IGSF21: variants seen among roughly 807,000 people sequenced by gnomAD.
IGSF21 encodes immunoglobulin superfamily member 21.
A neutral mutation model predicts 46.8 loss-of-function variants in IGSF21; 28 were observed. The observed-to-expected ratio is 0.60, with a 90% CI of 0.44 to 0.82. The LOEUF (loss-of-function observed/expected upper bound fraction) is 0.82. Among genes scored for constraint, IGSF21 ranks in the 40% least tolerant of loss-of-function variants. IGSF21 has a pLI of 0.00. For missense variants in IGSF21, 624 were observed against 665.5 expected (o/e 0.94, Z 0.69); for synonymous variants, 284 against 273.6 (o/e 1.04, Z -0.38).
At chr1:18,286,989 G>A (rs1325867961) in intron 2 of IGSF21, among the ~76,000 whole-genome samples, 3 of 151,696 alleles carry the variant, frequency 2.0e-5, no homozygotes, top group Non-Finnish European at 2.9e-5. Flanking sequence ...AGACCATCCC[G>A]GCTAAAACGG....
chr1:18,307,082 G>C (rs1401448157), intron 3 of IGSF21, among the ~76,000 whole-genome samples: 1 of 152,198 alleles, frequency 6.6e-6, no homozygotes, highest in African/African-American at 2.4e-5. Context: ...GAGAGGTTTG[G>C]GGAGGCTCAG....
chr1:18,345,822 T>C (rs12073082), intron 4 of IGSF21, among the ~76,000 whole-genome samples: 2,175 of 152,320 alleles, frequency 0.014, 49 homozygotes, highest in African/African-American at 0.048. Context: ...TGAGGGGTTA[T>C]AAAATGTGCC....
In IGSF21 at chr1:18,338,658, G is replaced by T. The variant is rs180884270; in HGVS notation, c.424+3648G>T. Among the ~76,000 whole-genome samples the T allele has an allele frequency of 5.3e-5, 8 of 152,308 alleles. No homozygotes were observed. The East Asian group carries it at 1.5e-3, about 29-fold the overall frequency. ...CCATTTCCAGAGGCCTCCGGGTGAA[G>T]ATGAAAACGCGAGTGCAGCTGTAAT... On this transcript the variant is annotated intron_variant, in intron 4 of 9. Transcript: ENST00000251296.
intron 2 of IGSF21, among the ~76,000 whole-genome samples, chr1:18,272,703 G>C (rs2085054536): frequency 6.6e-6 from 1 of 152,222 alleles, no homozygotes; most frequent in South Asian, 2.1e-4. Flanking sequence ...CTCTTGCCAG[G>C]GACCTGGCTG....
chr1:18,133,040 C>T (rs1427152682), intron 1 of IGSF21, among the ~76,000 whole-genome samples: 1 of 152,148 alleles, frequency 6.6e-6, no homozygotes, highest in Non-Finnish European at 1.5e-5. Context: ...CCTCTAGATG[C>T]AAAGCACTTT....
intron 3 of IGSF21, among the ~76,000 whole-genome samples, chr1:18,304,720 C>A (rs708082): frequency 8.0e-6 from 1 of 125,584 alleles, no homozygotes; most frequent in South Asian, 2.9e-4. Context: ...CACACACACA[C>A]ACACACACAT....
intron 1 of IGSF21, among the ~76,000 whole-genome samples, chr1:18,129,150 T>C (rs1002312105): frequency 2.6e-5 from 4 of 152,156 alleles, no homozygotes; most frequent in Non-Finnish European, 5.9e-5. Context: ...CGTTTTAATC[T>C]TATTAGCAGT....
At chr1:18,370,004 T>A (rs1046501450) in intron 6 of IGSF21, among the ~76,000 whole-genome samples, 1 of 152,028 alleles carries the variant, frequency 6.6e-6, no homozygotes. Flanking sequence ...CACTCTTCCC[T>A]CCTATCCCAC....
Position 18,365,498 on chromosome 1 carries a change from T to A in IGSF21, c.816T>A (p.Arg272=), listed in dbSNP as rs1394157015. 1 of 1,612,560 alleles carries A rather than the reference T, an allele frequency of 6.2e-7. No individual in the cohort carries two copies. Among genetic ancestry groups the A allele is most frequent in the Admixed American group, 1.7e-5 (1 of 59,848 alleles). The change falls in exon 6 of 10, where the codon CGT becomes CGA. Residue 272 remains arginine (R), a synonymous_variant. Coordinates refer to ENST00000251296, the MANE Select transcript of IGSF21 (RefSeq NM_032880.5). This position sits in a 1 kb window ranked among gnomAD's most constrained non-coding sequence, Gnocchi z 4.8. ...ACATACCAGAGACGGTCGTGAGCCGTGAGTTTCCCCGCTGGGTCCACAGCG... is the reference window on the plus strand; with the variant it reads ...ACATACCAGAGACGGTCGTGAGCCGAGAGTTTCCCCGCTGGGTCCACAGCG... ...TENIPETVVS[R]EFPRWVHSAE...
intron 3 of IGSF21, among the ~76,000 whole-genome samples, chr1:18,321,858 T>C (rs1424371525): frequency 6.6e-6 from 1 of 152,240 alleles, no homozygotes; most frequent in Non-Finnish European, 1.5e-5. Flanking sequence ...TGACACTCTC[T>C]GGTTGAGTAA....
intron 1 of IGSF21, among the ~76,000 whole-genome samples, chr1:18,117,390 A>G (rs1333051490): frequency 1.3e-5 from 2 of 152,174 alleles, no homozygotes; most frequent in East Asian, 3.9e-4. Context: ...CCTGGGGAGA[A>G]GCTTCTAGAT....
rs531291369 is a variant in IGSF21 at position 18,186,238 on chromosome 1, G to A, written c.71-41660G>A. ...GGGAGGGCAAAGCTCTTAGGGGGTT[G>A]AGCACAAAGGGACAGGGAAATTGTA... On this transcript the variant is annotated intron_variant, in intron 1 of 9. Coordinates refer to ENST00000251296, the MANE Select transcript of IGSF21 (RefSeq NM_032880.5). Among the ~76,000 whole-genome samples, 5 of 152,272 alleles carry A rather than the reference G, an allele frequency of 3.3e-5. No individual in the cohort carries two copies. In the South Asian group the frequency reaches 1.0e-3, roughly 32 times the overall value.
At chr1:18,219,899 C>T (rs1243922570) in intron 1 of IGSF21, among the ~76,000 whole-genome samples, 1 of 152,306 alleles carries the variant, frequency 6.6e-6, no homozygotes, top group East Asian at 1.9e-4. Flanking sequence ...GAACCACACC[C>T]TCATCTGCTG....
intron 2 of IGSF21, among the ~76,000 whole-genome samples, chr1:18,230,710 T>C (rs10907297): frequency 0.5 from 75,253 of 151,750 alleles, 18,843 homozygotes; most frequent in African/African-American, 0.49. Context: ...AGTGATTGTC[T>C]CTCTTCCCAA....
intron 1 of IGSF21, among the ~76,000 whole-genome samples, chr1:18,162,721 A>G (rs1024353432): frequency 2.0e-5 from 3 of 152,220 alleles, no homozygotes; most frequent in African/African-American, 7.2e-5. Context: ...GAGCGTCTGC[A>G]TATTAGGGAC....
At chr1:18,341,082 C>CTTCTTCTTCTTCTTCTT (rs1557651938) in intron 4 of IGSF21, among the ~76,000 whole-genome samples, 3 of 98,680 alleles carry the variant, frequency 3.0e-5, no homozygotes, top group East Asian at 3.6e-4. Context: ...TTCTTCTCCT[C>CTTCTTCTTCTTCTTCTT]CTCCTCCTCC....
At chr1:18,165,529 G>A (rs1028777423) in intron 1 of IGSF21, among the ~76,000 whole-genome samples, 5 of 152,186 alleles carry the variant, frequency 3.3e-5, no homozygotes, top group Admixed American at 1.3e-4. Context: ...AGGTCCCGGG[G>A]ATTAGGGCTT....
intron 2 of IGSF21, among the ~76,000 whole-genome samples, chr1:18,248,792 G>A (rs1420419953): frequency 1.3e-5 from 2 of 152,034 alleles, no homozygotes; most frequent in Non-Finnish European, 2.9e-5. Context: ...ATATAGCGTT[G>A]AACGAGATAG....
At chr1:18,222,685 T>C (rs2084522295) in intron 1 of IGSF21, among the ~76,000 whole-genome samples, 1 of 152,132 alleles carries the variant, frequency 6.6e-6, no homozygotes, top group East Asian at 1.9e-4. Flanking sequence ...CTTCAAATTC[T>C]GGGGAGGTAC....
Sources: allele counts gnomAD v4.1 joint callset (sites outside exome capture counted in the v4.1 genomes callset), GRCh38; gene constraint gnomAD v4.1.1; non-coding constraint Gnocchi (gnomAD v3.1); transcripts MANE v1.5; gene names NCBI Gene and HGNC (gene_info 2026-07-23, HGNC 2026-07-21).